The following CARNMT1 variants were observed in gnomAD, a reference collection of about 807,000 sequenced individuals.
The protein encoded by CARNMT1 is carnosine N-methyltransferase 1.
Under a neutral mutation model 49.6 loss-of-function variants are expected in CARNMT1, and 28 were observed. The ratio of observed to expected loss-of-function variants is 0.56; its 90% CI spans 0.42 to 0.77. The LOEUF is 0.77. Ranked by LOEUF, CARNMT1 falls within the 30% of genes least tolerant of loss-of-function variation. The probability of loss-of-function intolerance (pLI) is 0.00; values close to 1 mark genes in which losing one functional copy is unlikely to be tolerated. For synonymous variants in CARNMT1, 178 were observed against 175.0 expected (o/e 1.02, Z -0.13); for missense variants, 421 against 512.6 (o/e 0.82, Z 1.73).
At chr9:75,027,779 T>G (rs1822573222) in intron 1 of CARNMT1, among the ~76,000 whole-genome samples, 1 of 152,140 alleles carries the variant, frequency 6.6e-6, no homozygotes, top group African/African-American at 2.4e-5. Context: ...GATCCTGAGG[T>G]CAGAAGACAC....
intron 7 of CARNMT1, among the ~76,000 whole-genome samples, chr9:74,984,407 T>G (rs1002674983): frequency 1.3e-5 from 2 of 152,316 alleles, no homozygotes; most frequent in East Asian, 3.9e-4. Flanking sequence ...CACCAGAAAG[T>G]AGTTTTCCCT....
chr9:75,012,200 A>G (rs1284691133), intron 3 of CARNMT1, among the ~76,000 whole-genome samples: 1 of 152,086 alleles, frequency 6.6e-6, no homozygotes, highest in Non-Finnish European at 1.5e-5. Flanking sequence ...ATGTGACTGA[A>G]TATCACTTAT....
At chr9:75,025,663 A>G (rs777598878) in intron 1 of CARNMT1, among the ~76,000 whole-genome samples, 15 of 152,160 alleles carry the variant, frequency 9.9e-5, no homozygotes, top group Non-Finnish European at 1.6e-4. Flanking sequence ...AATTGTTGCA[A>G]ATGTCAAAAC....
intron 1 of CARNMT1, among the ~76,000 whole-genome samples, chr9:75,022,872 C>T (rs557843106): frequency 1.3e-5 from 2 of 152,274 alleles, no homozygotes; most frequent in Admixed American, 6.5e-5. Flanking sequence ...TGGTGGCTCA[C>T]GCCTGTAATC....
chr9:75,008,962 A>G (rs1833601552), intron 3 of CARNMT1, among the ~76,000 whole-genome samples: 1 of 152,138 alleles, frequency 6.6e-6, no homozygotes, highest in Non-Finnish European at 1.5e-5. Context: ...AAACACACAG[A>G]CCAATGAAAC....
intron 5 of CARNMT1, 104 bp from the exon 6 acceptor site, chr9:74,996,664 T>C (rs1018208644): frequency 8.0e-6 from 5 of 625,872 alleles, no homozygotes; most frequent in African/African-American, 3.7e-5. Context: ...GTATTAATAT[T>C]TGACAGAGAT....
intron 1 of CARNMT1, chr9:75,026,976 T>A: frequency 1.3e-6 from 1 of 771,410 alleles, no homozygotes; most frequent in East Asian, 6.4e-5. Flanking sequence ...TAAAAACAAC[T>A]ATAATACATA....
chr9:74,986,047 T>C (rs1199434430), intron 6 of CARNMT1, among the ~76,000 whole-genome samples: 1 of 152,216 alleles, frequency 6.6e-6, no homozygotes, highest in Non-Finnish European at 1.5e-5. Flanking sequence ...TTCAAATCTT[T>C]CAATCTATCA....
intron 1 of CARNMT1, among the ~76,000 whole-genome samples, chr9:75,022,560 A>G (rs1034773304): frequency 2.0e-5 from 3 of 152,158 alleles, no homozygotes; most frequent in African/African-American, 7.2e-5. Context: ...ATATAAAATG[A>G]TGTGCAAAAA....
In CARNMT1 at chr9:75,007,741, ATAAT is replaced by A. The variant is rs774099968; in HGVS notation, c.591-7875_591-7872del. Among the ~76,000 whole-genome samples the A allele has an allele frequency of 4.3e-3, 508 of 117,550 alleles. 54 individuals are homozygous for A. Among genetic ancestry groups the A allele is most frequent in the Middle Eastern group, 0.018 (4 of 226 alleles). The allele number at this position is 117,550 out of a possible 152,430, so 77.1% of individuals were successfully genotyped here. On this transcript the variant is annotated intron_variant, in intron 3 of 7. Transcript: ENST00000376834. ...GAGACCCTGTCTCAAAAAAATAAAA[ATAAT>A]AAAAAAAAAAAAACTAAGAAAATTC... is the stretch of plus-strand genomic sequence containing the variant.
intron 1 of CARNMT1, among the ~76,000 whole-genome samples, chr9:75,021,951 GA>G (rs371288454): frequency 3.0e-4 from 44 of 145,804 alleles, no homozygotes; most frequent in African/African-American, 7.3e-4. Context: ...AAAAAGAGAA[GA>G]AAAAAAAAAG....
chr9:75,028,034 T>A lies in CARNMT1; in HGVS notation c.208A>T (p.Ile70Phe), dbSNP rs1204610741. ...TACCCGTAGTAGCGGAAGGCATTAATGATCTTCCAGAAGTGCTCACGCTCA... is the reference window on the plus strand; with the variant it reads ...TACCCGTAGTAGCGGAAGGCATTAAAGATCTTCCAGAAGTGCTCACGCTCA... ...RLEREHFWKI[I>F]NAFRYYGTSM... Residue 70 changes from isoleucine to phenylalanine, a missense_variant, in exon 1 of 8, where the codon ATT becomes TTT. Coordinates refer to ENST00000376834, the MANE Select transcript of CARNMT1 (RefSeq NM_152420.3). 3 of 1,575,346 alleles carry A rather than the reference T, an allele frequency of 1.9e-6. No individual in the cohort carries two copies. Among genetic ancestry groups the A allele is most frequent in the South Asian group, 2.3e-5 (2 of 87,322 alleles).
rs1832716756 is a variant in CARNMT1, at chr9:74,982,550, T to C, written c.*1217A>G. On this transcript the variant is annotated 3_prime_UTR_variant, in exon 8 of 8. Coordinates refer to ENST00000376834, the MANE Select transcript of CARNMT1 (RefSeq NM_152420.3). ...AAATTGGTATTAATCTGAAATTACA[T>C]GATGGCTGCTGCTTACAATATTGAA... is the stretch of plus-strand genomic sequence containing the variant. 1 of 152,216 alleles carries C rather than the reference T, an allele frequency of 6.6e-6. No individual in the cohort carries two copies. 9.4% of individuals were successfully genotyped at this position (152,216 alleles called of 1,614,324 possible). A position where few individuals can be genotyped will look rare whatever the true frequency, so the allele number is the denominator to read the frequency against.
intron 6 of CARNMT1, among the ~76,000 whole-genome samples, chr9:74,991,979 A>T (rs561376324): frequency 1.3e-5 from 2 of 152,168 alleles, no homozygotes; most frequent in Non-Finnish European, 2.9e-5. Context: ...ATCTCGTTTT[A>T]AAAAATTCTA....
intron 3 of CARNMT1, among the ~76,000 whole-genome samples, chr9:75,000,565 TAA>T (rs893374128): frequency 1.4e-4 from 22 of 152,222 alleles, no homozygotes; most frequent in African/African-American, 5.1e-4. Context: ...TTCAAACCAC[TAA>T]AAGTTTTACC....
intron 6 of CARNMT1, chr9:74,991,703 C>T (rs1358279793): frequency 1.3e-5 from 2 of 152,122 alleles, no homozygotes; most frequent in Non-Finnish European, 2.9e-5. Flanking sequence ...GAGGAGTCAA[C>T]TGTTCAATAT....
intron 3 of CARNMT1, among the ~76,000 whole-genome samples, chr9:75,012,775 A>G (rs1625431): frequency 0.76 from 114,614 of 151,666 alleles, 43,945 homozygotes; most frequent in East Asian, 0.85. Flanking sequence ...AAAATTAGCC[A>G]GGCGTCGTGG....
intron 6 of CARNMT1, among the ~76,000 whole-genome samples, chr9:74,990,790 G>C (rs1832987201): frequency 1.3e-5 from 2 of 152,198 alleles, no homozygotes; most frequent in African/African-American, 2.4e-5. Context: ...CGAAAGAACA[G>C]GAACTAGCTT....
At chr9:74,998,964 G>A (rs1246862393) in intron 4 of CARNMT1, among the ~76,000 whole-genome samples, 188 bp from the exon 5 acceptor site, 2 of 151,772 alleles carry the variant, frequency 1.3e-5, no homozygotes, top group African/African-American at 4.8e-5. Context: ...CCAATCAATG[G>A]ATTAAAGACA....
Sources: allele counts gnomAD v4.1 joint callset (sites outside exome capture counted in the v4.1 genomes callset), GRCh38; gene constraint gnomAD v4.1.1; transcripts MANE v1.5; gene names NCBI Gene and HGNC (gene_info 2026-07-23, HGNC 2026-07-21).